The following MYT1 variants were observed in gnomAD, a reference collection of about 807,000 sequenced individuals.
MYT1 encodes myelin transcription factor 1.
A neutral mutation model predicts 123.0 loss-of-function variants in MYT1; 23 were observed. The observed-to-expected ratio is 0.19, with a 90% CI of 0.13 to 0.26. The LOEUF (loss-of-function observed/expected upper bound fraction) is 0.26, where lower values mean the gene tolerates loss of function less well. MYT1 is among the 10% of genes least tolerant of loss of function. MYT1 has a pLI of 1.00. For missense variants in MYT1, 1,125 were observed against 1,472.5 expected (o/e 0.76, Z 3.86); for synonymous variants, 518 against 575.3 (o/e 0.90, Z 1.43).
At chr20:64,230,685 A>G (rs1201666066) in intron 18 of MYT1, among the ~76,000 whole-genome samples, 1 of 152,210 alleles carries the variant, frequency 6.6e-6, no homozygotes, top group African/African-American at 2.4e-5. Context: ...GGGGCTGGAC[A>G]TTGAATGTGA....
rs1984349619 is a variant in MYT1, at chr20:64,232,430, A to C, written c.2897+45A>C. ...CTGCCCCTCTGTGCAGTCAGTAGGG[A>C]CCCTCGCCTGGGGCCTGGGGCTGAA... On this transcript the variant is annotated intron_variant, in intron 19 of 22. Transcript: ENST00000328439. This position sits in a 1 kb window ranked among gnomAD's most constrained non-coding sequence, Gnocchi z 6.9. The C allele has an allele frequency of 1.3e-6, 2 of 1,583,018 alleles. No individual in the cohort carries two copies. The highest frequency in any genetic ancestry group is 1.7e-5 in the Admixed American group (1 of 59,634).
chr20:64,219,639 T>G, intron 12 of MYT1, 74 bp from the exon 13 acceptor site: 1 of 1,337,818 alleles, frequency 7.5e-7, no homozygotes, highest in Non-Finnish European at 1.1e-6. Context: ...CTCTGTACGT[T>G]TGATTCAAAT....
Position 64,211,348 on chromosome 20 carries a change from G to T in MYT1, c.1426+8G>T, listed in dbSNP as rs1983659025. 1 of 1,609,334 alleles carries T rather than the reference G, an allele frequency of 6.2e-7. No homozygotes were observed. The highest frequency in any genetic ancestry group is 2.2e-5 in the East Asian group (1 of 44,716). Reference sequence around the variant, plus strand: ...ATAGGATCCCCCCAGAGAGTGAGTAGCTCTGTGCAGCGTTAGCCCTAACTG... The same window carrying T: ...ATAGGATCCCCCCAGAGAGTGAGTATCTCTGTGCAGCGTTAGCCCTAACTG... On this transcript the variant is annotated splice_region_variant and intron_variant, in intron 8 of 22. Transcript: ENST00000328439.
At chr20:64,237,960 G>A (rs866602182) in intron 21 of MYT1, among the ~76,000 whole-genome samples, 9 of 152,270 alleles carry the variant, frequency 5.9e-5, no homozygotes, top group Middle Eastern at 3.4e-3. Flanking sequence ...TACAATGAAC[G>A]CATTTCTATG....
At chr20:64,211,974 G>C (rs1341796455) in intron 8 of MYT1, 74 bp from the exon 9 acceptor site, 1 of 1,288,806 alleles carries the variant, frequency 7.8e-7, no homozygotes, top group Non-Finnish European at 1.1e-6. Context: ...TCCTCAGCCT[G>C]TGCTCCCCAC....
intron 3 of MYT1, 91 bp from the exon 4 acceptor site, chr20:64,199,801 T>C (rs1983239577): frequency 6.8e-7 from 1 of 1,462,214 alleles, no homozygotes; most frequent in South Asian, 1.1e-5. Context: ...GGCAAACCTC[T>C]CGGCTGTTTA....
In MYT1 at chr20:64,232,185, G is replaced by A. The variant is rs773692902; in HGVS notation, c.2697G>A (p.Val899=). The A allele has an allele frequency of 6.2e-7, 1 of 1,611,968 alleles. No individual in the cohort carries two copies. Among genetic ancestry groups the A allele is most frequent in the East Asian group, 2.2e-5 (1 of 44,788 alleles). Reference sequence around the variant, plus strand: ...CCAGGTGCCCAGTTCCAGGCTGTGTGGGGCTCGGTCACATCAGCGGGAAAT... The same window carrying A: ...CCAGGTGCCCAGTTCCAGGCTGTGTAGGGCTCGGTCACATCAGCGGGAAAT... The part of the protein sequence containing the change: ...ELMKCPVPGC[V]GLGHISGKYA... The change falls in exon 19 of 23, where the codon GTG becomes GTA. Residue 899 remains valine (V), a synonymous_variant. Coordinates refer to ENST00000328439, the MANE Select transcript of MYT1 (RefSeq NM_004535.3). The surrounding 1 kb of genome is among the most constrained non-coding windows in gnomAD (Gnocchi z 6.9).
intron 13 of MYT1, 100 bp from the exon 14 acceptor site, chr20:64,221,793 T>C (rs1298844754): frequency 1.6e-6 from 2 of 1,248,830 alleles, no homozygotes; most frequent in African/African-American, 1.5e-5. Flanking sequence ...GATGCTTCTG[T>C]GGACACTGTC....
chr20:64,219,345 C>T (rs1983928353), intron 12 of MYT1, among the ~76,000 whole-genome samples: 1 of 152,226 alleles, frequency 6.6e-6, no homozygotes, highest in African/African-American at 2.4e-5. Flanking sequence ...GGTGCACACA[C>T]ATGCCCATGT....
chr20:64,206,681 G>A (rs938366939), intron 6 of MYT1, among the ~76,000 whole-genome samples: 4 of 152,168 alleles, frequency 2.6e-5, no homozygotes, highest in African/African-American at 9.7e-5. Flanking sequence ...GCGCTGTCCC[G>A]TGGAATCAAC....
rs1015306197 is a variant in MYT1 at position 64,213,224 on chromosome 20, G to A, written c.1518-310G>A. 8.5e-5 allele frequency among the ~76,000 whole-genome samples: 13 copies of A among 152,186 alleles called. No homozygotes were observed. The highest frequency in any genetic ancestry group is 6.5e-4 in the Admixed American group (10 of 15,282). On this transcript the variant is annotated intron_variant, in intron 9 of 22. Transcript: ENST00000328439. The surrounding 1 kb of genome is among the most constrained non-coding windows in gnomAD (Gnocchi z 5.6). Reference sequence around the variant, plus strand: ...AGCCTGTCTCCCAGACCCATGCAGAGGAGGCATCTTTGCCCAGAGCTTTCA... The same window carrying A: ...AGCCTGTCTCCCAGACCCATGCAGAAGAGGCATCTTTGCCCAGAGCTTTCA...
rs555217315 is a variant in MYT1, at chr20:64,196,596, GT to G, written c.1-2259del. Among the ~76,000 whole-genome samples, 80 of 152,182 alleles carry G rather than the reference GT, an allele frequency of 5.3e-4. No homozygotes were observed. In the South Asian group the frequency reaches 0.012, roughly 23 times the overall value. ...GGTTTATTTTTTCTTCGGTAGTTCA[GT>G]TTTTTTCCCTTTAAAAATCAAAGCT... On this transcript the variant is annotated intron_variant, in intron 2 of 22. Coordinates refer to ENST00000328439, the MANE Select transcript of MYT1 (RefSeq NM_004535.3). This position sits in a 1 kb window ranked among gnomAD's most constrained non-coding sequence, Gnocchi z 4.3.
chr20:64,212,191 G>A lies in MYT1; in HGVS notation c.1517+53G>A, dbSNP rs1983690947. ...GGGGCCAGGGTGGGGGCCGTGGTGG[G>A]GGCCAGGGTGGGGGCCGTGGTGGGG... On this transcript the variant is annotated intron_variant, in intron 9 of 22. Transcript: ENST00000328439. The surrounding 1 kb of genome is among the most constrained non-coding windows in gnomAD (Gnocchi z 6.8). 3.1e-6 allele frequency: 1 copy of A among 323,974 alleles called. No individual in the cohort carries two copies. 20.1% of individuals were successfully genotyped at this position (323,974 alleles called of 1,614,324 possible).
intron 13 of MYT1, among the ~76,000 whole-genome samples, chr20:64,221,688 G>T (rs931510763): frequency 3.3e-5 from 5 of 152,178 alleles, no homozygotes; most frequent in African/African-American, 1.2e-4. Flanking sequence ...GCTGAAGCAG[G>T]GGAGGGATCC....
intron 2 of MYT1, among the ~76,000 whole-genome samples, chr20:64,198,344 A>T (rs1270577014): frequency 6.8e-6 from 1 of 146,190 alleles, no homozygotes. Context: ...GAAAGGGCCC[A>T]TGGGAAGCTG....
At chr20:64,240,231 G>A (rs1382910538) in intron 22 of MYT1, 89 bp from the exon 23 acceptor site, 3 of 1,548,604 alleles carry the variant, frequency 1.9e-6, no homozygotes, top group South Asian at 2.5e-5. Context: ...AGGTCACGTG[G>A]GGACATAGGT....
chr20:64,176,754 G>T (rs981403210), intron 1 of MYT1, among the ~76,000 whole-genome samples: 1 of 152,224 alleles, frequency 6.6e-6, no homozygotes, highest in Non-Finnish European at 1.5e-5. Flanking sequence ...TGGCTGAACT[G>T]CTCTCCCAGG....
At chr20:64,195,610 T>C (rs1983096650) in intron 2 of MYT1, among the ~76,000 whole-genome samples, 1 of 151,558 alleles carries the variant, frequency 6.6e-6, no homozygotes, top group Admixed American at 6.6e-5. Flanking sequence ...TGGCCAGGCT[T>C]GTCATGAACT....
At chr20:64,201,900 T>G (rs74181503) in intron 4 of MYT1, among the ~76,000 whole-genome samples, 1 of 115,416 alleles carries the variant, frequency 8.7e-6, no homozygotes. Flanking sequence ...GGAACCCCCG[T>G]GTGTCGGGAA....
Sources: gnomAD v4.1 joint callset for allele counts (sites outside exome capture counted in the v4.1 genomes callset) on GRCh38, gnomAD v4.1.1 for gene constraint, Gnocchi (gnomAD v3.1) non-coding constraint, MANE v1.5 for transcripts, NCBI Gene and HGNC (gene_info 2026-07-23, HGNC 2026-07-21) for gene names.